Variants in UNC5C observed in about 807,000 individuals in gnomAD.
UNC5C encodes the protein netrin receptor UNC5C.
In UNC5C, 47 loss-of-function variants were observed where a neutral mutation model predicts 99.8. The observed-to-expected ratio is 0.47, with a 90% CI of 0.37 to 0.60. The LOEUF (loss-of-function observed/expected upper bound fraction) is 0.60, where lower values mean the gene tolerates loss of function less well. Among genes scored for constraint, UNC5C ranks in the 20% least tolerant of loss-of-function variants. UNC5C has a pLI of 0.00. For missense variants in UNC5C, 1,062 were observed against 1,165.9 expected, an observed-to-expected ratio of 0.91 and a Z score of 1.30; for synonymous variants, 487 against 452.2, an observed-to-expected ratio of 1.08 and a Z score of -0.98.
intron 2 of UNC5C, among the ~76,000 whole-genome samples, chr4:95,310,833 AG>A (rs1579315175): frequency 6.6e-6 from 1 of 152,170 alleles, no homozygotes; most frequent in Non-Finnish European, 1.5e-5. Context: ...GCTTCTAGAA[AG>A]CTCTATGACA....
At chr4:95,548,711 C>A (rs1484383243) in intron 1 of UNC5C, 23 bp downstream of exon 1, 22 of 1,610,276 alleles carry the variant, frequency 1.4e-5, no homozygotes, top group Non-Finnish European at 1.9e-5. Context: ...GAGGTGGCCG[C>A]GGAGCTTGGC....
At chr4:95,307,173 C>T (rs529397253) in intron 2 of UNC5C, among the ~76,000 whole-genome samples, 71 of 152,106 alleles carry the variant, frequency 4.7e-4, no homozygotes, top group Middle Eastern at 3.4e-3. Context: ...CATGAAGTCA[C>T]TTAACAATCT....
intron 1 of UNC5C, among the ~76,000 whole-genome samples, chr4:95,410,812 C>T (rs1196086110): frequency 1.3e-5 from 2 of 152,134 alleles, no homozygotes; most frequent in African/African-American, 4.8e-5. Context: ...CCACCCTGCT[C>T]GCCCAGTGTA....
chr4:95,244,935 A>T (rs770259231), intron 6 of UNC5C, 42 bp downstream of exon 6: 1 of 1,608,920 alleles, frequency 6.2e-7, no homozygotes, highest in African/African-American at 1.3e-5. Context: ...ATGTTTCTTG[A>T]ATAATAGGAG....
chr4:95,271,587 G>A (rs1276123058), intron 4 of UNC5C, among the ~76,000 whole-genome samples: 1 of 152,132 alleles, frequency 6.6e-6, no homozygotes, highest in African/African-American at 2.4e-5. Flanking sequence ...CATTCTGGTG[G>A]GTCTGCTGAA....
At chr4:95,421,613 C>T (rs993025359) in intron 1 of UNC5C, among the ~76,000 whole-genome samples, 1 of 124,128 alleles carries the variant, frequency 8.1e-6, no homozygotes, top group Admixed American at 8.9e-5. Flanking sequence ...ACTATACACT[C>T]TCTTTTACAC....
rs772066377 is a variant in UNC5C, at chr4:95,461,332, G to C, written c.124+87402C>G. On this transcript the variant is annotated intron_variant, in intron 1 of 15. Transcript: ENST00000453304. ...GCACAAGGCAAGAGCAAGTTGAATA[G>C]ATGACAAAGGAGAGAAATCAAAAAA... Among the ~76,000 whole-genome samples, 8 of 97,474 alleles carry C rather than the reference G, an allele frequency of 8.2e-5. 1 individual carries two copies. The highest frequency in any genetic ancestry group is 1.6e-4 in the Non-Finnish European group (8 of 49,926). The allele number at this position is 97,474 out of a possible 152,430, so 63.9% of individuals were successfully genotyped here.
intron 2 of UNC5C, among the ~76,000 whole-genome samples, chr4:95,304,472 T>G (rs1741985154): frequency 6.6e-6 from 1 of 152,170 alleles, no homozygotes; most frequent in Non-Finnish European, 1.5e-5. Context: ...CCTCTCATTT[T>G]CTTATCTTAT....
intron 1 of UNC5C, among the ~76,000 whole-genome samples, chr4:95,375,555 T>G (rs928630321): frequency 6.6e-6 from 1 of 152,162 alleles, no homozygotes; most frequent in African/African-American, 2.4e-5. Flanking sequence ...TACAATTAAT[T>G]TGAGGCAAAA....
At chr4:95,310,628 G>A (rs1742242582) in intron 2 of UNC5C, among the ~76,000 whole-genome samples, 1 of 152,134 alleles carries the variant, frequency 6.6e-6, no homozygotes, top group Non-Finnish European at 1.5e-5. Context: ...AAACTGAGTG[G>A]TTCAAGGGAT....
intron 1 of UNC5C, among the ~76,000 whole-genome samples, chr4:95,356,192 GCAAAAAAAAAAAAAAAAAAACAAAA>G (rs1744181636): frequency 2.9e-5 from 1 of 34,894 alleles, no homozygotes; most frequent in Non-Finnish European, 4.6e-5. Flanking sequence ...AGACCCTGTA[GCAAAAAAAAAAAAAAAAAAACAAAA>G]CAAAAAAAAA....
chr4:95,481,922 G>T (rs1214603264), intron 1 of UNC5C, among the ~76,000 whole-genome samples: 2 of 151,910 alleles, frequency 1.3e-5, no homozygotes, highest in Non-Finnish European at 2.9e-5. Context: ...GAAAACCTAG[G>T]CATTACCATT....
At chr4:95,271,235 T>TA (rs146924535) in intron 4 of UNC5C, among the ~76,000 whole-genome samples, 67,938 of 149,048 alleles carry the variant, frequency 0.46, 16,077 homozygotes, top group Middle Eastern at 0.54. Flanking sequence ...TTTATTTATT[T>TA]TTTTTTTTTT....
intron 1 of UNC5C, among the ~76,000 whole-genome samples, chr4:95,470,059 C>A (rs1747918953): frequency 6.6e-6 from 1 of 152,126 alleles, no homozygotes; most frequent in Non-Finnish European, 1.5e-5. Flanking sequence ...TAGTACTATG[C>A]ACAGACTGTA....
chr4:95,242,447 C>G lies in UNC5C; in HGVS notation c.1090G>C (p.Asp364His), dbSNP rs1018638106. 5.0e-6 allele frequency: 8 copies of G among 1,614,038 alleles called. No homozygotes were observed. The African/African-American group carries it at 1.1e-4, about 22-fold the overall frequency. Residue 364 changes from aspartate (D) to histidine (H), a missense_variant, in exon 7 of 16, where the codon GAT (aspartate) becomes CAT (histidine). Asp to His is a moderately conservative substitution (Grantham distance 81, BLOSUM62 -1). This residue lies in a region of UNC5C where 810 missense variants were observed against 854.5 expected (regional missense o/e 0.95). Transcript: ENST00000453304. ...GLVLQSKNCT[D>H]GLCMQTAPDS... Reference sequence around the variant, plus strand: ...GACTTACTCTGCATGCAAAGCCCATCAGTGCAGTTCTTGGATTGCAAGACG... The same window carrying G: ...GACTTACTCTGCATGCAAAGCCCATGAGTGCAGTTCTTGGATTGCAAGACG...
chr4:95,361,932 C>CGT (rs1744406451), intron 1 of UNC5C, among the ~76,000 whole-genome samples: 1 of 151,242 alleles, frequency 6.6e-6, no homozygotes, highest in Non-Finnish European at 1.5e-5. Context: ...TGCTACGTGA[C>CGT]GTATATATAT....
At chr4:95,341,694 A>T (rs1008226744) in intron 1 of UNC5C, among the ~76,000 whole-genome samples, 1 of 152,208 alleles carries the variant, frequency 6.6e-6, no homozygotes, top group South Asian at 2.1e-4. Flanking sequence ...TGAGAACCAA[A>T]ACTCAGGTGA....
At chr4:95,314,245 T>C (rs1001101425) in intron 2 of UNC5C, among the ~76,000 whole-genome samples, 2 of 152,126 alleles carry the variant, frequency 1.3e-5, no homozygotes, top group Admixed American at 1.3e-4. Context: ...TGAGTGAAGA[T>C]TTCAGTTGTT....
intron 7 of UNC5C, among the ~76,000 whole-genome samples, chr4:95,231,658 T>C (rs1194344102): frequency 6.6e-6 from 1 of 152,180 alleles, no homozygotes; most frequent in Non-Finnish European, 1.5e-5. Context: ...AATGTTCTTA[T>C]TAAAACCTCA....
Sources: gnomAD v4.1 joint callset for allele counts (sites outside exome capture counted in the v4.1 genomes callset) on GRCh38, gnomAD v4.1.1 for gene constraint, gnomAD v4.1.1 regional missense constraint, MANE v1.5 for transcripts, NCBI Gene and HGNC (gene_info 2026-07-23, HGNC 2026-07-21) for gene names.